The following GORASP2 variants were observed in gnomAD, a reference collection of about 807,000 sequenced individuals.
GORASP2 encodes golgi reassembly stacking protein 2.
Under a neutral mutation model 45.7 loss-of-function variants are expected in GORASP2, and 22 were observed. The observed-to-expected ratio is 0.48, with a 90% CI of 0.34 to 0.69. The LOEUF is 0.69. Among genes scored for constraint, GORASP2 ranks in the 30% least tolerant of loss-of-function variants. The pLI, the probability that GORASP2 is intolerant of heterozygous loss-of-function variation, is 0.01. For synonymous variants in GORASP2, 221 were observed against 215.6 expected (o/e 1.02, Z -0.22); for missense variants, 491 against 562.7 (o/e 0.87, Z 1.29).
chr2:170,930,148 A>G (rs1703784762), intron 1 of GORASP2, among the ~76,000 whole-genome samples: 1 of 152,218 alleles, frequency 6.6e-6, no homozygotes, highest in Non-Finnish European at 1.5e-5. Flanking sequence ...AAATCGGAGT[A>G]TATAAAGGAA....
intron 1 of GORASP2, among the ~76,000 whole-genome samples, chr2:170,931,461 G>A (rs1703821222): frequency 6.6e-6 from 1 of 152,190 alleles, no homozygotes. Context: ...AGATTACCAA[G>A]CTTGTAAACT....
intron 7 of GORASP2, among the ~76,000 whole-genome samples, chr2:170,957,610 A>G (rs1420513179): frequency 6.6e-6 from 1 of 152,152 alleles, no homozygotes; most frequent in Admixed American, 6.5e-5. Context: ...TCTACCTGAT[A>G]TAGTCCTTTT....
Position 170,956,451 on chromosome 2 carries a change from G to A in GORASP2, c.715G>A (p.Val239Ile). 6.2e-7 allele frequency: 1 copy of A among 1,612,124 alleles called. No homozygotes were observed. The highest frequency in any genetic ancestry group is 8.5e-7 in the Non-Finnish European group (1 of 1,179,344). Residue 239 changes from valine (V) to isoleucine (I), a missense_variant, in exon 7 of 10, where the codon GTT (valine) becomes ATT (isoleucine). By Grantham distance (29) the Val-to-Ile change is conservative (BLOSUM62 3). Transcript: ENST00000234160. ...DGFTEVQLSS[V>I]NPPSLSPPGT... ...TTTTTGGAAGGTCCAGCTGTCCTCA[G>A]TTAATCCCCCGTCTTTGTCACCACC...
chr2:170,948,287 A>T lies in GORASP2; in HGVS notation c.64-63A>T, dbSNP rs898323679. On this transcript the variant is annotated intron_variant, in intron 1 of 9. Coordinates refer to ENST00000234160, the MANE Select transcript of GORASP2 (RefSeq NM_015530.5). ...TGGTCTATTTTTACTGAAAAGAGAG[A>T]TTCGGCTTACAATTTTCACCTAAGC... 1.1e-5 allele frequency: 10 copies of T among 897,210 alleles called. No homozygotes were observed. In the African/African-American group the frequency reaches 1.7e-4, roughly 15 times the overall value. 55.6% of individuals were successfully genotyped at this position (897,210 alleles called of 1,614,324 possible).
chr2:170,935,888 C>T (rs542164159), intron 1 of GORASP2, among the ~76,000 whole-genome samples: 87 of 152,196 alleles, frequency 5.7e-4, no homozygotes, highest in African/African-American at 1.9e-3. Context: ...TATATGCTTT[C>T]GTACTTATGT....
rs778400816 is a variant in GORASP2 at position 170,965,878 on chromosome 2, C to G, written c.1107C>G (p.Pro369=). 5.0e-6 allele frequency: 8 copies of G among 1,614,012 alleles called. No homozygotes were observed. In the South Asian group the frequency reaches 7.7e-5, roughly 16 times the overall value. ...CATCCGAGTTCCTCCCGTCATTCCC[C>G]TTGGTTCCAGAGAGCTCTTCTGCAG... ...PLPSEFLPSF[P]LVPESSSAAS... The change falls in exon 10 of 10, where the codon CCC becomes CCG. Residue 369 remains proline (P), a synonymous_variant. Transcript: ENST00000234160.
chr2:170,959,161 C>T (rs1207226679), intron 7 of GORASP2, among the ~76,000 whole-genome samples: 12 of 151,838 alleles, frequency 7.9e-5, no homozygotes. Context: ...GGGGTTTCAC[C>T]ATGTTGGCCA....
intron 5 of GORASP2, 94 bp downstream of exon 5, chr2:170,951,552 T>C: frequency 9.7e-7 from 1 of 1,034,326 alleles, no homozygotes; most frequent in Non-Finnish European, 1.4e-6. Flanking sequence ...AAGAAATTAC[T>C]GGTTTATTTT....
rs773567951 is a variant in GORASP2 at position 170,950,190 on chromosome 2, T to C, written c.349-14T>C. 16 of 1,337,318 alleles carry C rather than the reference T, an allele frequency of 1.2e-5. No homozygotes were observed. In the Admixed American group the frequency reaches 3.0e-4, roughly 25 times the overall value. 82.8% of individuals were successfully genotyped at this position (1,337,318 alleles called of 1,614,324 possible). On this transcript the variant is annotated splice_polypyrimidine_tract_variant and intron_variant, in intron 3 of 9. Coordinates refer to ENST00000234160, the MANE Select transcript of GORASP2 (RefSeq NM_015530.5). ...TATATATTAATTTTAGGGTGTGTGT[T>C]TATGTCATTCTAGGAGGTGGAATCA...
At chr2:170,952,654 A>G (rs1704324469) in intron 5 of GORASP2, among the ~76,000 whole-genome samples, 1 of 152,128 alleles carries the variant, frequency 6.6e-6, no homozygotes, top group South Asian at 2.1e-4. Context: ...TTTAATCTTT[A>G]TTTCTCTAAA....
chr2:170,954,647 T>A lies in GORASP2; in HGVS notation c.567-3T>A, dbSNP rs114035263. ...CAACGTTAAGAAAAAAATGTTTTTATAGCCTAGGATGTGGCATTGGATATG... is the reference window on the plus strand; with the variant it reads ...CAACGTTAAGAAAAAAATGTTTTTAAAGCCTAGGATGTGGCATTGGATATG... On this transcript the variant is annotated splice_polypyrimidine_tract_variant and splice_region_variant and intron_variant, in intron 5 of 9. Transcript: ENST00000234160. 1.4e-3 allele frequency: 2,213 copies of A among 1,600,734 alleles called. 13 individuals are homozygous for A. The African/African-American group carries it at 0.016, about 12-fold the overall frequency.
At position 170,936,286 on chromosome 2, in the gene GORASP2, G is replaced by A. The variant is rs529660789; in HGVS notation, c.63+6883G>A. Reference sequence around the variant, plus strand: ...CTGTCACTATGGCTGGAGTGTTGTGGTGTGGTCATGGCCCACTGCAGCCTT... The same window carrying A: ...CTGTCACTATGGCTGGAGTGTTGTGATGTGGTCATGGCCCACTGCAGCCTT... On this transcript the variant is annotated intron_variant, in intron 1 of 9. Coordinates refer to ENST00000234160, the MANE Select transcript of GORASP2 (RefSeq NM_015530.5). Among the ~76,000 whole-genome samples the A allele has an allele frequency of 2.1e-5, 3 of 141,010 alleles. No individual in the cohort carries two copies. In the South Asian group the frequency reaches 6.8e-4, roughly 32 times the overall value. 92.5% of individuals were successfully genotyped at this position (141,010 alleles called of 152,430 possible).
intron 1 of GORASP2, chr2:170,936,780 C>T (rs12472994): frequency 1.2e-5 from 6 of 515,066 alleles, no homozygotes; most frequent in Admixed American, 2.6e-5. Context: ...TAATGAGATC[C>T]GGTCTCAATA....
intron 1 of GORASP2, among the ~76,000 whole-genome samples, chr2:170,946,129 A>G (rs1278432302): frequency 6.6e-6 from 1 of 152,054 alleles, no homozygotes; most frequent in African/African-American, 2.4e-5. Flanking sequence ...CTCCCAGCTC[A>G]GCCTTCCAAG....
intron 1 of GORASP2, chr2:170,929,904 C>A: frequency 2.5e-6 from 1 of 393,708 alleles, no homozygotes; most frequent in South Asian, 1.7e-5. Context: ...GCCTGAAAGA[C>A]CAGCAGGGCA....
rs1332676847 is a variant in GORASP2, at chr2:170,954,790, C to T, written c.699+8C>T. The T allele has an allele frequency of 6.2e-7, 1 of 1,606,448 alleles. No homozygotes were observed. On this transcript the variant is annotated splice_region_variant and intron_variant, in intron 6 of 9. Coordinates refer to ENST00000234160, the MANE Select transcript of GORASP2 (RefSeq NM_015530.5). ...AAAGATGGGTTTACAGAGGTAAGAT[C>T]ACGTTCCTACCTGAGTATATCATAA... is the stretch of plus-strand genomic sequence containing the variant.
chr2:170,952,432 T>G (rs1254328161), intron 5 of GORASP2, among the ~76,000 whole-genome samples: 1 of 152,222 alleles, frequency 6.6e-6, no homozygotes, highest in African/African-American at 2.4e-5. Context: ...TTTTTGTGCT[T>G]CTGTTTTTAT....
Position 170,929,533 on chromosome 2 carries a change from C to G in GORASP2, c.63+130C>G, listed in dbSNP as rs929243544. 3.8e-4 allele frequency: 306 copies of G among 796,382 alleles called. 1 individual carries two copies. Among genetic ancestry groups the G allele is most frequent in the Non-Finnish European group, 4.4e-5 (24 of 544,290 alleles). The allele number at this position is 796,382 out of a possible 1,614,324, so 49.3% of individuals were successfully genotyped here. A position where few individuals can be genotyped will look rare whatever the true frequency, so the allele number is the denominator to read the frequency against. On this transcript the variant is annotated intron_variant, in intron 1 of 9. Transcript: ENST00000234160. ...CCCGCGAAGGAGCGGCGGTCGCGGG[C>G]GCTGCCTTGGTCGAGGCTGGTTCCG...
At chr2:170,947,644 A>G (rs553990555) in intron 1 of GORASP2, among the ~76,000 whole-genome samples, 1 of 152,100 alleles carries the variant, frequency 6.6e-6, no homozygotes. Context: ...ATGTGCCTGT[A>G]TTTGCTTTGT....
Sources: gnomAD v4.1 joint callset for allele counts (sites outside exome capture counted in the v4.1 genomes callset) on GRCh38, gnomAD v4.1.1 for gene constraint, MANE v1.5 for transcripts, NCBI Gene and HGNC (gene_info 2026-07-23, HGNC 2026-07-21) for gene names.